The following FBXO16 variants were observed in gnomAD, a reference collection of about 807,000 sequenced individuals.
FBXO16 encodes the protein F-box protein 16, also known as F-box only protein 16.
FBXO16 carries 31 observed loss-of-function variants against 41.0 expected under a neutral mutation model. The observed-to-expected ratio is 0.76, with a 90% CI of 0.57 to 1.02. FBXO16 has a LOEUF of 1.02. FBXO16 is among the 50% of genes least tolerant of loss of function. The pLI is 0.00. For missense variants in FBXO16, 361 were observed against 346.2 expected, an observed-to-expected ratio of 1.04 and a Z score of -0.34; for synonymous variants, 133 against 117.8, an observed-to-expected ratio of 1.13 and a Z score of -0.84.
chr8:28,451,723 C>T (rs1452342415), intron 6 of FBXO16, among the ~76,000 whole-genome samples: 1 of 152,038 alleles, frequency 6.6e-6, no homozygotes, highest in Non-Finnish European at 1.5e-5. Context: ...TTGCTCATGC[C>T]TGTAATCCCA....
chr8:28,444,859 CT>C (rs1460947984), intron 7 of FBXO16, among the ~76,000 whole-genome samples: 1 of 144,474 alleles, frequency 6.9e-6, no homozygotes, highest in African/African-American at 2.6e-5. Flanking sequence ...TCTCAATCCC[CT>C]AACCTCGTGA....
intron 4 of FBXO16, among the ~76,000 whole-genome samples, 174 bp downstream of exon 4, chr8:28,463,438 A>G (rs1472412544): frequency 6.6e-6 from 1 of 150,752 alleles, no homozygotes; most frequent in South Asian, 2.1e-4. Context: ...GTATATGTGT[A>G]TGTGTGTGTT....
At chr8:28,477,583 T>C (rs1329135528) in intron 2 of FBXO16, among the ~76,000 whole-genome samples, 1 of 152,238 alleles carries the variant, frequency 6.6e-6, no homozygotes, top group Non-Finnish European at 1.5e-5. Flanking sequence ...TGTGTGTATG[T>C]ATAATATACG....
intron 1 of FBXO16, among the ~76,000 whole-genome samples, chr8:28,489,738 G>C (rs1908915): frequency 2.0e-4 from 31 of 151,574 alleles, no homozygotes; most frequent in South Asian, 4.2e-4. Context: ...AACCCTTGTA[G>C]AATTGTAGAA....
chr8:28,448,340 C>CAAAAAAAAAAAAAAAA (rs56323338), intron 6 of FBXO16, among the ~76,000 whole-genome samples: 3 of 49,904 alleles, frequency 6.0e-5, no homozygotes, highest in Non-Finnish European at 8.3e-5. Flanking sequence ...GACCCTAAAT[C>CAAAAAAAAAAAAAAAA]AAAAAAAAAA....
At chr8:28,472,899 T>C (rs59284065) in intron 3 of FBXO16, among the ~76,000 whole-genome samples, 16,506 of 152,228 alleles carry the variant, frequency 0.11, 2,276 homozygotes, top group African/African-American at 0.32. Flanking sequence ...TCAGGATCAC[T>C]TAACTCTTGA....
intron 7 of FBXO16, among the ~76,000 whole-genome samples, chr8:28,442,840 G>A (rs562484256): frequency 7.2e-5 from 11 of 152,076 alleles, no homozygotes; most frequent in Non-Finnish European, 1.2e-4. Flanking sequence ...CAAATAATAG[G>A]AAACATGACA....
chr8:28,488,984 T>A (rs1280411250), intron 1 of FBXO16, among the ~76,000 whole-genome samples: 1 of 110,952 alleles, frequency 9.0e-6, no homozygotes, highest in African/African-American at 3.5e-5. Flanking sequence ...ACTGCTCACC[T>A]GAATCATCAC....
At chr8:28,473,912 T>C in intron 2 of FBXO16, 105 bp from the exon 3 acceptor site, 1 of 845,184 alleles carries the variant, frequency 1.2e-6, no homozygotes, top group Non-Finnish European at 1.9e-6. Flanking sequence ...ATTCATTGTA[T>C]CAACTGAATA....
intron 2 of FBXO16, among the ~76,000 whole-genome samples, chr8:28,475,083 T>G (rs1803403661): frequency 6.6e-6 from 1 of 152,206 alleles, no homozygotes; most frequent in African/African-American, 2.4e-5. Flanking sequence ...GATTGATGTT[T>G]TTCCCTCCTC....
chr8:28,481,997 G>C (rs973624275), intron 2 of FBXO16, among the ~76,000 whole-genome samples: 2 of 152,080 alleles, frequency 1.3e-5, no homozygotes, highest in Admixed American at 1.3e-4. Flanking sequence ...CCTCAGCTGG[G>C]TGCAAACCAC....
At chr8:28,489,565 C>T (rs1166119768) in intron 1 of FBXO16, among the ~76,000 whole-genome samples, 1 of 147,532 alleles carries the variant, frequency 6.8e-6, no homozygotes, top group Non-Finnish European at 1.5e-5. Context: ...GTGGGTGTGG[C>T]GGTGGGCTCC....
intron 7 of FBXO16, among the ~76,000 whole-genome samples, chr8:28,441,747 A>AAC (rs1442290841): frequency 7.1e-6 from 1 of 140,042 alleles, no homozygotes; most frequent in African/African-American, 2.7e-5. Context: ...AAAAAAAAAA[A>AAC]AAAACTAAAA....
chr8:28,444,911 G>A (rs1392947416), intron 7 of FBXO16, among the ~76,000 whole-genome samples: 1 of 149,922 alleles, frequency 6.7e-6, no homozygotes, highest in Admixed American at 6.7e-5. Context: ...GATTACAGGC[G>A]TGAGCCACCG....
In FBXO16 at chr8:28,447,328, G is replaced by A. The variant is rs187988580; in HGVS notation, c.741-55C>T. 3.2e-4 allele frequency: 450 copies of A among 1,406,624 alleles called. 3 individuals carry two copies. The highest frequency in any genetic ancestry group is 1.8e-4 in the Middle Eastern group (1 of 5,638). 87.1% of individuals were successfully genotyped at this position (1,406,624 alleles called of 1,614,324 possible). A position where few individuals can be genotyped will look rare whatever the true frequency, so the allele number is the denominator to read the frequency against. On this transcript the variant is annotated intron_variant, in intron 6 of 8. Coordinates refer to ENST00000380254, the MANE Select transcript of FBXO16 (RefSeq NM_172366.4). ...CAAAGTATCTTTTTAAAACTCAGGT[G>A]GTTTGCATAGCTATTTGTCTGTTTG... is the stretch of plus-strand genomic sequence containing the variant.
intron 7 of FBXO16, among the ~76,000 whole-genome samples, chr8:28,436,700 A>G (rs1306532668): frequency 1.3e-5 from 2 of 152,154 alleles, no homozygotes; most frequent in Non-Finnish European, 1.5e-5. Flanking sequence ...GTGAAATACC[A>G]TATTACGAAA....
chr8:28,434,686 C>T (rs1056599279), intron 7 of FBXO16, among the ~76,000 whole-genome samples: 2 of 152,212 alleles, frequency 1.3e-5, no homozygotes, highest in African/African-American at 4.8e-5. Flanking sequence ...GGAGTTGATG[C>T]AGGATTTTTC....
chr8:28,480,296 G>A (rs931120592), intron 2 of FBXO16, among the ~76,000 whole-genome samples: 5 of 151,954 alleles, frequency 3.3e-5, no homozygotes, highest in African/African-American at 7.3e-5. Context: ...GATTTGACTA[G>A]AAATAGAAGG....
intron 4 of FBXO16, among the ~76,000 whole-genome samples, chr8:28,459,765 G>A (rs1376798429): frequency 6.6e-6 from 1 of 151,832 alleles, no homozygotes; most frequent in Non-Finnish European, 1.5e-5. Flanking sequence ...GGTGGCTCAT[G>A]CCTGTAATCC....
Sources: gnomAD v4.1 joint callset for allele counts (sites outside exome capture counted in the v4.1 genomes callset) on GRCh38, gnomAD v4.1.1 for gene constraint, MANE v1.5 for transcripts, NCBI Gene and HGNC (gene_info 2026-07-23, HGNC 2026-07-21) for gene names.